The following MAPKAPK3 variants were observed in gnomAD, a reference collection of about 807,000 sequenced individuals.
MAPKAPK3 encodes the protein MAP kinase-activated protein kinase 3.
A neutral mutation model predicts 49.2 loss-of-function variants in MAPKAPK3; 35 were observed. The observed-to-expected ratio is 0.71, with a 90% CI of 0.54 to 0.94. The LOEUF is 0.94. Among genes scored for constraint, MAPKAPK3 ranks in the 40% least tolerant of loss-of-function variants. The probability of loss-of-function intolerance (pLI) is 0.00; values close to 1 mark genes in which losing one functional copy is unlikely to be tolerated. For synonymous variants in MAPKAPK3, 178 were observed against 188.7 expected (o/e 0.94, Z 0.46); for missense variants, 398 against 493.1 (o/e 0.81, Z 1.83).
chr3:50,615,796 A>G (rs1212630469), upstream of MAPKAPK3, among the ~76,000 whole-genome samples: 2 of 152,250 alleles, frequency 1.3e-5, no homozygotes, highest in Non-Finnish European at 2.9e-5. Context: ...GTTGCCTGAA[A>G]GAAATAGGGG....
At chr3:50,616,919 G>A (rs2032477795), upstream of MAPKAPK3, among the ~76,000 whole-genome samples, 1 of 151,954 alleles carries the variant, frequency 6.6e-6, no homozygotes, top group Non-Finnish European at 1.5e-5. Flanking sequence ...CAGTACAGGG[G>A]CCTCCCTGGG....
At chr3:50,623,349 A>G (rs2032655783) in intron 2 of MAPKAPK3, among the ~76,000 whole-genome samples, 2 of 152,192 alleles carry the variant, frequency 1.3e-5, no homozygotes, top group Non-Finnish European at 2.9e-5. Context: ...ACAAAATGCA[A>G]ATAGTGGAAT....
At chr3:50,635,938 A>G (rs2033028326) in intron 2 of MAPKAPK3, among the ~76,000 whole-genome samples, 1 of 149,016 alleles carries the variant, frequency 6.7e-6, no homozygotes. Flanking sequence ...AAAAAAAAAA[A>G]AAAAAAAACC....
intron 2 of MAPKAPK3, among the ~76,000 whole-genome samples, chr3:50,618,034 TC>T (rs1257519216): frequency 6.6e-6 from 1 of 152,180 alleles, no homozygotes; most frequent in African/African-American, 2.4e-5. Flanking sequence ...AGATGCTGTA[TC>T]CGGAAGCAGG....
intron 2 of MAPKAPK3, among the ~76,000 whole-genome samples, chr3:50,620,801 G>A (rs1046271671): frequency 1.4e-4 from 21 of 152,224 alleles, no homozygotes; most frequent in Non-Finnish European, 2.9e-5. Context: ...GCAGGAACTG[G>A]AGGACTGCCT....
chr3:50,637,631 CAAAAA>C (rs1243243979), intron 2 of MAPKAPK3, among the ~76,000 whole-genome samples: 2 of 56,420 alleles, frequency 3.5e-5, no homozygotes. Context: ...GACTCTGTCT[CAAAAA>C]AAAAAAAAAG....
chr3:50,641,631 C>A (rs1345836401), intron 3 of MAPKAPK3, 76 bp from the exon 4 acceptor site: 2 of 1,195,664 alleles, frequency 1.7e-6, no homozygotes, highest in Non-Finnish European at 1.2e-6. Context: ...AAGCCTGGGC[C>A]TATGATTTGG....
chr3:50,642,345 G>A lies in MAPKAPK3; in HGVS notation c.504+13G>A. On this transcript the variant is annotated intron_variant, in intron 5 of 10. Transcript: ENST00000621469. ...CCGAGATGTCAAGGTGAGGCTCCAG[G>A]ATTCAGGTTGGGGGCCCGGGGAAGA... The A allele has an allele frequency of 1.2e-6, 2 of 1,609,250 alleles. No individual in the cohort carries two copies. Among genetic ancestry groups the A allele is most frequent in the Non-Finnish European group, 8.5e-7 (1 of 1,177,772 alleles).
In MAPKAPK3 at chr3:50,646,140, C is replaced by A. The variant is rs764111447; in HGVS notation, c.705C>A (p.Leu235=). 3 of 1,613,330 alleles carry A rather than the reference C, an allele frequency of 1.9e-6. No individual in the cohort carries two copies. The highest frequency in any genetic ancestry group is 2.5e-6 in the Non-Finnish European group (3 of 1,179,462). ...CCAAATGACTTACCCCTTCCCCCAG[C>A]CTTTGTGGCTTCCCACCCTTCTACT... ...MWSLGVIMYI[L]LCGFPPFYSN... is the part of the protein sequence containing the mutation. Residue 235 remains leucine, a splice_region_variant and synonymous_variant, in exon 8 of 11, where the codon CTC becomes CTA. Coordinates refer to ENST00000621469, the MANE Select transcript of MAPKAPK3 (RefSeq NM_001243925.2).
At chr3:50,616,193 G>C (rs1202197568), upstream of MAPKAPK3, among the ~76,000 whole-genome samples, 5 of 152,216 alleles carry the variant, frequency 3.3e-5, no homozygotes, top group South Asian at 2.1e-4. Context: ...AGGTCCCTCA[G>C]CTTCCGGATT....
At chr3:50,642,772 C>A (rs942172699) in intron 5 of MAPKAPK3, among the ~76,000 whole-genome samples, 1 of 152,222 alleles carries the variant, frequency 6.6e-6, no homozygotes, top group African/African-American at 2.4e-5. Context: ...ACTTGTTCAG[C>A]AAGAAATTTT....
At chr3:50,628,280 G>A (rs539212814) in intron 2 of MAPKAPK3, among the ~76,000 whole-genome samples, 1 of 152,298 alleles carries the variant, frequency 6.6e-6, no homozygotes, top group South Asian at 2.1e-4. Context: ...AGGGAGGGTG[G>A]TATGGCCCTT....
At chr3:50,623,801 G>C (rs908029709) in intron 2 of MAPKAPK3, among the ~76,000 whole-genome samples, 1 of 152,224 alleles carries the variant, frequency 6.6e-6, no homozygotes, top group Admixed American at 6.5e-5. Flanking sequence ...AGTCTGTGGG[G>C]ACACGGGAGG....
intron 2 of MAPKAPK3, among the ~76,000 whole-genome samples, chr3:50,637,830 A>T (rs1239260093): frequency 6.6e-6 from 1 of 152,106 alleles, no homozygotes; most frequent in Non-Finnish European, 1.5e-5. Context: ...AATGCACATG[A>T]CAGGGACCAG....
chr3:50,634,494 T>C (rs551892728), intron 2 of MAPKAPK3, among the ~76,000 whole-genome samples: 1 of 151,516 alleles, frequency 6.6e-6, no homozygotes, highest in Non-Finnish European at 1.5e-5. Flanking sequence ...TCTTCTTCTT[T>C]TTTTTTTTTT....
upstream of MAPKAPK3, chr3:50,614,229 C>G (rs754591945): frequency 6.6e-6 from 1 of 152,382 alleles, no homozygotes; most frequent in Non-Finnish European, 1.5e-5. Flanking sequence ...TCCCTAGAAA[C>G]CCTGGCTCTG....
At chr3:50,629,404 CTGT>C (rs2032846174) in intron 2 of MAPKAPK3, among the ~76,000 whole-genome samples, 1 of 152,222 alleles carries the variant, frequency 6.6e-6, no homozygotes, top group African/African-American at 2.4e-5. Flanking sequence ...AACCCAGGAA[CTGT>C]TTTCACCCAT....
intron 2 of MAPKAPK3, among the ~76,000 whole-genome samples, chr3:50,629,945 A>G (rs2032861626): frequency 6.6e-6 from 1 of 152,232 alleles, no homozygotes; most frequent in East Asian, 1.9e-4. Flanking sequence ...GGAAGACACT[A>G]GGCTTGGAAC....
rs745848601 is a variant in MAPKAPK3 at position 50,647,176 on chromosome 3, G to A, written c.969G>A (p.Glu323=). The change falls in exon 10 of 11, where the codon GAG becomes GAA. Residue 323 remains glutamate, a synonymous_variant. Coordinates refer to ENST00000621469, the MANE Select transcript of MAPKAPK3 (RefSeq NM_001243925.2). ...TPLHTARVLQ[E]DKDHWDEVKE... ...TCCACACGGCCCGAGTGCTGCAGGA[G>A]GACAAAGACCACTGGGACGAAGTCA... is the stretch of plus-strand genomic sequence containing the variant. 2.5e-6 allele frequency: 4 copies of A among 1,596,716 alleles called. No individual in the cohort carries two copies. The highest frequency in any genetic ancestry group is 3.4e-6 in the Non-Finnish European group (4 of 1,171,640).
Sources: allele counts gnomAD v4.1 joint callset (sites outside exome capture counted in the v4.1 genomes callset), GRCh38; gene constraint gnomAD v4.1.1; transcripts MANE v1.5; gene names NCBI Gene and HGNC (gene_info 2026-07-23, HGNC 2026-07-21).